The following PDSS2 variants were observed in gnomAD, a reference collection of about 807,000 sequenced individuals.
PDSS2 encodes the protein decaprenyl diphosphate synthase subunit 2.
A neutral mutation model predicts 44.5 loss-of-function variants in PDSS2; 31 were observed. The observed-to-expected ratio is 0.70, with a 90% CI of 0.52 to 0.94. The LOEUF (loss-of-function observed/expected upper bound fraction) is 0.94, where lower values mean the gene tolerates loss of function less well. Among genes scored for constraint, PDSS2 ranks in the 40% least tolerant of loss-of-function variants. The pLI is 0.00. For missense variants in PDSS2, 452 were observed against 482.2 expected (o/e 0.94, Z 0.59); for synonymous variants, 157 against 180.3 (o/e 0.87, Z 1.03).
intron 7 of PDSS2, among the ~76,000 whole-genome samples, chr6:107,160,271 T>C (rs1771076444): frequency 6.6e-6 from 1 of 151,946 alleles, no homozygotes; most frequent in Admixed American, 6.6e-5. Context: ...AAGAGTTAAT[T>C]AAGGGTAAAC....
At chr6:107,167,052 G>T (rs1771377157) in intron 7 of PDSS2, among the ~76,000 whole-genome samples, 1 of 152,148 alleles carries the variant, frequency 6.6e-6, no homozygotes, top group African/African-American at 2.4e-5. Flanking sequence ...AGAAGGAATG[G>T]TATCAACTCC....
chr6:107,300,157 TA>T (rs1776647410), intron 2 of PDSS2, among the ~76,000 whole-genome samples: 1 of 152,200 alleles, frequency 6.6e-6, no homozygotes. Context: ...TTGTTAAGTT[TA>T]TCTCTTCCAG....
rs200316483 is a variant in PDSS2, at chr6:107,271,896, T to TA, written c.630+2132dup. ...ATGGCGAAAGGCAAAAGCCCGTCTC[T>TA]AAAAAAAAATACAAAAAATTAGCCA... On this transcript the variant is annotated intron_variant, in intron 3 of 7. Coordinates refer to ENST00000369037, the MANE Select transcript of PDSS2 (RefSeq NM_020381.4). Among the ~76,000 whole-genome samples the TA allele has an allele frequency of 2.3e-3, 350 of 150,130 alleles. 1 individual carries two copies. Among genetic ancestry groups the TA allele is most frequent in the African/African-American group, 7.4e-3 (304 of 40,920 alleles).
chr6:107,375,186 AAG>A (rs1779247871), intron 1 of PDSS2, among the ~76,000 whole-genome samples: 1 of 152,054 alleles, frequency 6.6e-6, no homozygotes, highest in Non-Finnish European at 1.5e-5. Flanking sequence ...AAACCAGAAA[AAG>A]AGCGTAATAA....
chr6:107,418,169 T>C (rs549661523), intron 1 of PDSS2, among the ~76,000 whole-genome samples: 22 of 152,300 alleles, frequency 1.4e-4, no homozygotes, highest in African/African-American at 3.4e-4. Flanking sequence ...AGAGGAACTC[T>C]GCAGGTATGA....
chr6:107,419,732 T>C (rs1053463065), intron 1 of PDSS2, among the ~76,000 whole-genome samples: 1 of 152,178 alleles, frequency 6.6e-6, no homozygotes, highest in Non-Finnish European at 1.5e-5. Context: ...TGTGAGCAAA[T>C]GTATAACTTA....
In PDSS2 at chr6:107,250,185, C is replaced by CG. The variant is rs200912977; in HGVS notation, c.631-4567_631-4566insC. Among the ~76,000 whole-genome samples the CG allele has an allele frequency of 2.7e-3, 408 of 151,434 alleles. 4 individuals are homozygous for CG. Among genetic ancestry groups the CG allele is most frequent in the African/African-American group, 9.6e-3 (394 of 41,024 alleles). On this transcript the variant is annotated intron_variant, in intron 3 of 7. Coordinates refer to ENST00000369037, the MANE Select transcript of PDSS2 (RefSeq NM_020381.4). The stretch of plus-strand genomic sequence containing the variant: ...ATGGTAAGACAAAAATACTGACCCC[C>CG]CCCCGCAAAAAAATCCTCGCATTGC...
chr6:107,423,317 T>C (rs1241511511), intron 1 of PDSS2, among the ~76,000 whole-genome samples: 1 of 152,168 alleles, frequency 6.6e-6, no homozygotes, highest in African/African-American at 2.4e-5. Context: ...ACAAGAATGA[T>C]AATAATATCT....
At chr6:107,339,656 T>G (rs1440842726) in intron 1 of PDSS2, among the ~76,000 whole-genome samples, 1 of 151,568 alleles carries the variant, frequency 6.6e-6, no homozygotes, top group African/African-American at 2.4e-5. Flanking sequence ...TGCAGGAAAG[T>G]CAGTCTTCCT....
intron 1 of PDSS2, among the ~76,000 whole-genome samples, chr6:107,337,368 A>C (rs142775893): frequency 6.6e-6 from 1 of 152,152 alleles, no homozygotes; most frequent in Non-Finnish European, 1.5e-5. Context: ...ACATTATGCT[A>C]TGTAGTGATG....
chr6:107,274,667 C>CTTTTTTTTTTT (rs5878910), intron 2 of PDSS2, among the ~76,000 whole-genome samples: 14 of 106,560 alleles, frequency 1.3e-4, no homozygotes, highest in Non-Finnish European at 1.2e-4. Flanking sequence ...ATCTCTCTCT[C>CTTTTTTTTTTT]TTTTTTTTTT....
chr6:107,346,611 A>G (rs1778255939), intron 1 of PDSS2, among the ~76,000 whole-genome samples: 1 of 152,200 alleles, frequency 6.6e-6, no homozygotes, highest in African/African-American at 2.4e-5. Flanking sequence ...TTAGTGATTA[A>G]TAACACAACC....
intron 7 of PDSS2, among the ~76,000 whole-genome samples, chr6:107,173,589 A>C (rs1415220446): frequency 6.7e-6 from 1 of 150,016 alleles, no homozygotes; most frequent in Non-Finnish European, 1.5e-5. Context: ...AAAAAAAAAA[A>C]AAAAAAAACG....
At chr6:107,173,469 G>C (rs1771667361) in intron 7 of PDSS2, among the ~76,000 whole-genome samples, 2 of 150,518 alleles carry the variant, frequency 1.3e-5, no homozygotes, top group Admixed American at 1.3e-4. Flanking sequence ...AGCTACTCGG[G>C]AGGCTGAGGC....
At chr6:107,222,919 A>G (rs1211266297) in intron 4 of PDSS2, among the ~76,000 whole-genome samples, 1 of 151,932 alleles carries the variant, frequency 6.6e-6, no homozygotes, top group Non-Finnish European at 1.5e-5. Context: ...CAGCCTGGGC[A>G]ACAAAGTGAC....
At chr6:107,198,803 C>CAA (rs1194216675) in intron 6 of PDSS2, among the ~76,000 whole-genome samples, 1 of 47,588 alleles carries the variant, frequency 2.1e-5, no homozygotes, top group Admixed American at 2.4e-4. Flanking sequence ...CAAACAATAA[C>CAA]AACAACAACA....
chr6:107,440,686 C>T (rs1237877885), intron 1 of PDSS2, among the ~76,000 whole-genome samples: 2 of 152,182 alleles, frequency 1.3e-5, no homozygotes, highest in African/African-American at 2.4e-5. Flanking sequence ...AGATTGCTAC[C>T]TGGCTCATCA....
At chr6:107,293,035 G>T (rs1010270993) in intron 2 of PDSS2, among the ~76,000 whole-genome samples, 1 of 152,194 alleles carries the variant, frequency 6.6e-6, no homozygotes, top group African/African-American at 2.4e-5. Context: ...TTATCAGATG[G>T]ACAGCTGATC....
intron 3 of PDSS2, among the ~76,000 whole-genome samples, chr6:107,269,368 GTGT>G (rs1172518624): frequency 8.7e-4 from 132 of 151,812 alleles, no homozygotes; most frequent in African/African-American, 3.1e-3. Flanking sequence ...GTGTGTGTGT[GTGT>G]GTGTGCAATT....
Sources: gnomAD v4.1 joint callset for allele counts (sites outside exome capture counted in the v4.1 genomes callset) on GRCh38, gnomAD v4.1.1 for gene constraint, MANE v1.5 for transcripts, NCBI Gene and HGNC (gene_info 2026-07-23, HGNC 2026-07-21) for gene names.